Variants in CADM2 observed in about 807,000 individuals in gnomAD.
CADM2 encodes the protein immunoglobulin superfamily member 4D.
Under a neutral mutation model 49.8 loss-of-function variants are expected in CADM2, and 12 were observed. The observed-to-expected ratio is 0.24, with a 90% CI of 0.15 to 0.39. CADM2 has a LOEUF of 0.39. CADM2 is among the 10% of genes least tolerant of loss of function. The probability of loss-of-function intolerance (pLI) is 1.00; values close to 1 mark genes in which losing one functional copy is unlikely to be tolerated. For synonymous variants in CADM2, 214 were observed against 175.4 expected, an observed-to-expected ratio of 1.22 and a Z score of -1.74; for missense variants, 378 against 492.3, an observed-to-expected ratio of 0.77 and a Z score of 2.20.
chr3:85,151,591 C>T (rs1211530541), intron 1 of CADM2, among the ~76,000 whole-genome samples: 1 of 152,130 alleles, frequency 6.6e-6, no homozygotes, highest in Admixed American at 6.5e-5. Flanking sequence ...AAATCAACTT[C>T]TTATCTTCAT....
chr3:85,763,351 C>A (rs1197343446), intron 2 of CADM2, among the ~76,000 whole-genome samples: 1 of 152,090 alleles, frequency 6.6e-6, no homozygotes, highest in East Asian at 1.9e-4. Flanking sequence ...TAAGACTCAC[C>A]CTGATTTATT....
In CADM2 at chr3:86,069,965, GTGTGTGTGTATA is replaced by G. The variant is rs1317300342; in HGVS notation, c.*3195_*3206del. ...CAGAGTACTGATGGTGTGCGTGTTT[GTGTGTGTGTATA>G]TGTGTGTGTATAAGAGAGAAAGAGA... On this transcript the variant is annotated 3_prime_UTR_variant, in exon 10 of 10. Transcript: ENST00000383699. 6.6e-6 allele frequency: 1 copy of G among 151,968 alleles called. No individual in the cohort carries two copies. The highest frequency in any genetic ancestry group is 1.5e-5 in the Non-Finnish European group (1 of 67,894). 9.4% of individuals were successfully genotyped at this position (151,968 alleles called of 1,614,324 possible). A position where few individuals can be genotyped will look rare whatever the true frequency, so the allele number is the denominator to read the frequency against.
chr3:85,861,053 T>G (rs924364810), intron 3 of CADM2, among the ~76,000 whole-genome samples: 2 of 152,122 alleles, frequency 1.3e-5, no homozygotes, highest in Non-Finnish European at 2.9e-5. Context: ...TGGATCACTA[T>G]AAGAATATTG....
intron 3 of CADM2, among the ~76,000 whole-genome samples, chr3:85,808,084 C>T (rs2072566004): frequency 6.6e-6 from 1 of 151,898 alleles, no homozygotes; most frequent in African/African-American, 2.4e-5. Context: ...TTGTGTGCAC[C>T]CAAAAATCAG....
intron 3 of CADM2, among the ~76,000 whole-genome samples, chr3:85,811,874 T>TG (rs1171276673): frequency 6.6e-6 from 1 of 151,630 alleles, no homozygotes; most frequent in East Asian, 1.9e-4. Context: ...TTTTTTTTTT[T>TG]TGTGATACTT....
intron 3 of CADM2, among the ~76,000 whole-genome samples, chr3:85,867,713 A>T (rs1469320403): frequency 6.6e-6 from 1 of 152,112 alleles, no homozygotes; most frequent in Non-Finnish European, 1.5e-5. Context: ...TTTTTAAATT[A>T]TGCTTATTTT....
intron 1 of CADM2, among the ~76,000 whole-genome samples, chr3:85,124,382 T>C (rs765173302): frequency 1.9e-4 from 29 of 152,106 alleles, no homozygotes; most frequent in Non-Finnish European, 4.1e-4. Flanking sequence ...TGCAGGAGGA[T>C]TGCTTGAGGA....
intron 1 of CADM2, among the ~76,000 whole-genome samples, chr3:85,556,842 AAAT>A (rs2061972455): frequency 6.6e-6 from 1 of 152,180 alleles, no homozygotes; most frequent in African/African-American, 2.4e-5. Context: ...TGAACTTAGA[AAAT>A]AATTCACAGT....
In CADM2 at chr3:85,549,930, G is replaced by A. The variant is rs909280542; in HGVS notation, c.62-176592G>A. On this transcript the variant is annotated intron_variant, in intron 1 of 9. Coordinates refer to ENST00000383699, the MANE Select transcript of CADM2 (RefSeq NM_001167675.2). ...TACAGACATGACTCACCACCTAAAG[G>A]TCTTTTTTTAATTAAAAATGAGCAA... Among the ~76,000 whole-genome samples the A allele has an allele frequency of 1.4e-4, 21 of 151,682 alleles. 1 individual carries two copies. Among genetic ancestry groups the A allele is most frequent in the East Asian group, 1.9e-4 (1 of 5,148 alleles).
intron 1 of CADM2, among the ~76,000 whole-genome samples, chr3:85,173,244 G>A (rs1052562620): frequency 9.9e-5 from 15 of 151,974 alleles, no homozygotes; most frequent in Admixed American, 6.6e-4. Flanking sequence ...CAGTATAAAT[G>A]TGAGATACGG....
chr3:85,259,802 C>A (rs1278494601), intron 1 of CADM2, among the ~76,000 whole-genome samples: 1 of 152,074 alleles, frequency 6.6e-6, no homozygotes, highest in Admixed American at 6.6e-5. Context: ...TACATTATCA[C>A]TGACTATAGA....
rs1273964703 is a variant in CADM2 at position 85,667,565 on chromosome 3, A to T, written c.62-58957A>T. Among the ~76,000 whole-genome samples the T allele has an allele frequency of 2.6e-5, 4 of 152,024 alleles. No individual in the cohort carries two copies. The East Asian group carries it at 5.8e-4, about 22-fold the overall frequency. On this transcript the variant is annotated intron_variant, in intron 1 of 9. Coordinates refer to ENST00000383699, the MANE Select transcript of CADM2 (RefSeq NM_001167675.2). Reference sequence around the variant, plus strand: ...TCTTTGATTGGAGAACACAATTTGCATTCCTAAAGACCTAATTCAGGATAA... The same window carrying T: ...TCTTTGATTGGAGAACACAATTTGCTTTCCTAAAGACCTAATTCAGGATAA...
At chr3:85,410,116 C>T (rs969758722) in intron 1 of CADM2, among the ~76,000 whole-genome samples, 11 of 152,122 alleles carry the variant, frequency 7.2e-5, no homozygotes, top group South Asian at 2.1e-4. Context: ...TTTGGTCCAG[C>T]GGTTAGAAAA....
intron 1 of CADM2, among the ~76,000 whole-genome samples, chr3:85,497,050 T>A (rs1166192208): frequency 6.6e-6 from 1 of 152,094 alleles, no homozygotes; most frequent in South Asian, 2.1e-4. Flanking sequence ...GATTTCACCA[T>A]GTTGGCCAGG....
In CADM2 at chr3:85,951,361, G is replaced by A. The variant is rs533609209; in HGVS notation, c.792-10108G>A. On this transcript the variant is annotated intron_variant, in intron 7 of 9. Transcript: ENST00000383699. ...ACAGTGGGAAATCTATAATTTAAAA[G>A]ATAAGTTGTTTAAGAGTTTACTTCA... Among the ~76,000 whole-genome samples the A allele has an allele frequency of 4.6e-5, 7 of 151,120 alleles. No individual in the cohort carries two copies. The South Asian group carries it at 1.2e-3, about 27-fold the overall frequency.
intron 1 of CADM2, among the ~76,000 whole-genome samples, chr3:85,116,199 T>C (rs1276615593): frequency 6.6e-6 from 1 of 152,022 alleles, no homozygotes; most frequent in Non-Finnish European, 1.5e-5. Context: ...TGATGGCACA[T>C]GCCTGTAATC....
chr3:85,547,435 A>G (rs2061694677), intron 1 of CADM2, among the ~76,000 whole-genome samples: 1 of 152,096 alleles, frequency 6.6e-6, no homozygotes, highest in African/African-American at 2.4e-5. Flanking sequence ...CACTTGCAAC[A>G]TTTAATTATT....
rs141259905 is a variant in CADM2 at position 85,160,010 on chromosome 3, A to G, written c.61+200342A>G. ...TTAATAATGTTTTATGATGATTAGA[A>G]CACACACATATCTGGATATATACAT... On this transcript the variant is annotated intron_variant, in intron 1 of 9. Coordinates refer to ENST00000383699, the MANE Select transcript of CADM2 (RefSeq NM_001167675.2). Among the ~76,000 whole-genome samples, 971 of 152,278 alleles carry G rather than the reference A, an allele frequency of 6.4e-3. 12 individuals carry two copies. The highest frequency in any genetic ancestry group is 0.022 in the African/African-American group (930 of 41,560).
At chr3:86,062,658 C>T (rs996727904) in intron 8 of CADM2, among the ~76,000 whole-genome samples, 8 of 151,648 alleles carry the variant, frequency 5.3e-5, no homozygotes, top group Admixed American at 6.6e-5. Flanking sequence ...GCTATGGTAG[C>T]GGGGCACCTG....
Sources: allele counts gnomAD v4.1 joint callset (sites outside exome capture counted in the v4.1 genomes callset), GRCh38; gene constraint gnomAD v4.1.1; transcripts MANE v1.5; gene names NCBI Gene and HGNC (gene_info 2026-07-23, HGNC 2026-07-21).